Variants in CDH18 observed in about 807,000 individuals in gnomAD.
CDH18 encodes the protein cadherin 18.
In CDH18, 31 loss-of-function variants were observed where a neutral mutation model predicts 67.9. The observed-to-expected ratio is 0.46, with a 90% CI of 0.34 to 0.62. The LOEUF is 0.62. CDH18 is among the 20% of genes least tolerant of loss of function. The probability of loss-of-function intolerance (pLI) is 0.01; values close to 1 mark genes in which losing one functional copy is unlikely to be tolerated. For synonymous variants in CDH18, 362 were observed against 347.2 expected (o/e 1.04, Z -0.48); for missense variants, 890 against 975.5 (o/e 0.91, Z 1.17).
chr5:20,016,713 TC>T (rs1737913967), intron 2 of CDH18, among the ~76,000 whole-genome samples: 1 of 152,118 alleles, frequency 6.6e-6, no homozygotes, highest in African/African-American at 2.4e-5. Flanking sequence ...TAACCTTTGT[TC>T]TAGGAAGAAT....
At chr5:20,472,057 T>A (rs1336132089) in intron 1 of CDH18, among the ~76,000 whole-genome samples, 1 of 152,280 alleles carries the variant, frequency 6.6e-6, no homozygotes, top group Non-Finnish European at 1.5e-5. Flanking sequence ...ACAAACCGTC[T>A]TTAATATGTG....
intron 1 of CDH18, among the ~76,000 whole-genome samples, chr5:20,327,527 G>T (rs558354162): frequency 6.6e-6 from 1 of 151,954 alleles, no homozygotes; most frequent in South Asian, 2.1e-4. Flanking sequence ...AAGCCCGTTT[G>T]GAAAAAGCAC....
chr5:20,278,476 T>C lies in CDH18; in HGVS notation c.-579-22971A>G, dbSNP rs562864373. 1.1e-4 allele frequency among the ~76,000 whole-genome samples: 17 copies of C among 152,218 alleles called. No homozygotes were observed. The South Asian group carries it at 3.5e-3, about 32-fold the overall frequency. ...AGACAAAAAAAAGCTGAGAAATTTC[T>C]ACAATATAAGACCTATCCTACAAAA... is the stretch of plus-strand genomic sequence containing the variant. On this transcript the variant is annotated intron_variant, in intron 1 of 14. Transcript: ENST00000507958.
At chr5:19,576,590 G>A (rs1218300370) in intron 7 of CDH18, among the ~76,000 whole-genome samples, 1 of 152,078 alleles carries the variant, frequency 6.6e-6, no homozygotes, top group African/African-American at 2.4e-5. Context: ...AAACATGAAC[G>A]ATAACAAGTA....
intron 5 of CDH18, among the ~76,000 whole-genome samples, chr5:19,710,520 T>C (rs1020591367): frequency 3.3e-5 from 5 of 152,170 alleles, no homozygotes; most frequent in Non-Finnish European, 7.4e-5. Flanking sequence ...AGAATTATTT[T>C]ATTTATCATG....
intron 4 of CDH18, among the ~76,000 whole-genome samples, chr5:19,726,151 A>C (rs1480350340): frequency 3.9e-5 from 6 of 152,180 alleles, no homozygotes; most frequent in African/African-American, 1.4e-4. Flanking sequence ...GAGAGTTGAG[A>C]TACACGAAGG....
At chr5:19,565,794 T>C (rs1257415893) in intron 8 of CDH18, among the ~76,000 whole-genome samples, 1 of 152,212 alleles carries the variant, frequency 6.6e-6, no homozygotes, top group African/African-American at 2.4e-5. Flanking sequence ...AAAACTCTGC[T>C]GGACATTCAT....
rs192069637 is a variant in CDH18 at position 20,445,916 on chromosome 5, A to G, written c.-580+129546T>C. Among the ~76,000 whole-genome samples, 9 of 152,200 alleles carry G rather than the reference A, an allele frequency of 5.9e-5. No individual in the cohort carries two copies. The East Asian group carries it at 1.6e-3, about 26-fold the overall frequency. ...AGTGGGCTGATTTCTGCGAAGTGAAATCAACTGCTTTTTACAGAACTCAGG... is the reference window on the plus strand; with the variant it reads ...AGTGGGCTGATTTCTGCGAAGTGAAGTCAACTGCTTTTTACAGAACTCAGG... On this transcript the variant is annotated intron_variant, in intron 1 of 14. Coordinates refer to the CDH18 transcript ENST00000507958.
chr5:19,602,562 C>T (rs921259309), intron 6 of CDH18, among the ~76,000 whole-genome samples: 4 of 151,964 alleles, frequency 2.6e-5, no homozygotes, highest in African/African-American at 9.6e-5. Flanking sequence ...AAAAAGAAGA[C>T]AATGACTAGT....
intron 2 of CDH18, among the ~76,000 whole-genome samples, chr5:20,068,001 C>T (rs1473037692): frequency 6.6e-6 from 1 of 151,996 alleles, no homozygotes; most frequent in African/African-American, 2.4e-5. Flanking sequence ...GCAGCCTTGT[C>T]CCTTTCCTTT....
chr5:20,296,254 G>C (rs1029473784), intron 1 of CDH18, among the ~76,000 whole-genome samples: 1 of 145,644 alleles, frequency 6.9e-6, no homozygotes, highest in Admixed American at 6.8e-5. Context: ...GTTTGTTTTT[G>C]TTTTTTGTTT....
chr5:19,766,482 C>A (rs1459183078), intron 3 of CDH18, among the ~76,000 whole-genome samples: 6 of 152,148 alleles, frequency 3.9e-5, no homozygotes, highest in Non-Finnish European at 7.3e-5. Flanking sequence ...CGTACTTATC[C>A]TGTAAGTGGT....
chr5:20,062,859 A>T (rs1429055919), intron 2 of CDH18, among the ~76,000 whole-genome samples: 1 of 152,188 alleles, frequency 6.6e-6, no homozygotes. Context: ...AACATTCCAG[A>T]AGGAAATGCA....
chr5:20,523,602 G>T (rs1378318422), intron 1 of CDH18, among the ~76,000 whole-genome samples: 1 of 152,084 alleles, frequency 6.6e-6, no homozygotes, highest in African/African-American at 2.4e-5. Flanking sequence ...GTGCAATGAC[G>T]CGATCTCCAG....
At chr5:19,679,160 A>G (rs1019423512) in intron 5 of CDH18, among the ~76,000 whole-genome samples, 1 of 152,064 alleles carries the variant, frequency 6.6e-6, no homozygotes, top group Non-Finnish European at 1.5e-5. Context: ...ATACAAATCA[A>G]TAAATGTGAT....
At chr5:20,565,308 C>G (rs1758439217) in intron 1 of CDH18, among the ~76,000 whole-genome samples, 1 of 151,962 alleles carries the variant, frequency 6.6e-6, no homozygotes, top group Admixed American at 6.6e-5. Flanking sequence ...GTTGTATATA[C>G]TCAGTAAAAT....
intron 1 of CDH18, among the ~76,000 whole-genome samples, chr5:20,482,413 T>A (rs1752877312): frequency 6.6e-6 from 1 of 151,872 alleles, no homozygotes; most frequent in African/African-American, 2.4e-5. Flanking sequence ...AAAGAAGAGA[T>A]TACTTCCAAA....
intron 1 of CDH18, among the ~76,000 whole-genome samples, chr5:20,543,128 C>G (rs1360292822): frequency 2.6e-5 from 4 of 151,774 alleles, no homozygotes; most frequent in Non-Finnish European, 5.9e-5. Context: ...AAATATGGTA[C>G]AATTTATTGT....
intron 2 of CDH18, among the ~76,000 whole-genome samples, chr5:20,137,171 G>A (rs955265610): frequency 6.6e-6 from 1 of 152,268 alleles, no homozygotes; most frequent in East Asian, 1.9e-4. Flanking sequence ...ATATCCTGAA[G>A]AGTGTTTTCC....
Sources: gnomAD v4.1 joint callset for allele counts (sites outside exome capture counted in the v4.1 genomes callset) on GRCh38, gnomAD v4.1.1 for gene constraint, MANE v1.5 for transcripts, NCBI Gene and HGNC (gene_info 2026-07-23, HGNC 2026-07-21) for gene names.